The following DTNA variants were observed in gnomAD, a reference collection of about 807,000 sequenced individuals.
DTNA encodes dystrophin-related protein 3.
DTNA carries 43 observed loss-of-function variants against 100.7 expected under a neutral mutation model. The ratio of observed to expected loss-of-function variants is 0.43; its 90% CI spans 0.33 to 0.55. The LOEUF is 0.55. DTNA is among the 20% of genes least tolerant of loss of function. The probability of loss-of-function intolerance (pLI) is 0.04; values close to 1 mark genes in which losing one functional copy is unlikely to be tolerated. For missense variants in DTNA, 798 were observed against 953.9 expected, an observed-to-expected ratio of 0.84 and a Z score of 2.15; for synonymous variants, 349 against 347.9, an observed-to-expected ratio of 1.00 and a Z score of -0.04.
chr18:34,566,518 C>T (rs1472080671), intron 1 of DTNA, among the ~76,000 whole-genome samples: 1 of 152,184 alleles, frequency 6.6e-6, no homozygotes, highest in Admixed American at 6.6e-5. Flanking sequence ...AGAGAAAGTT[C>T]TTCAAAAATT....
chr18:34,514,077 A>G (rs1257583035), intron 1 of DTNA: 1 of 152,136 alleles, frequency 6.6e-6, no homozygotes, highest in Admixed American at 6.6e-5. Flanking sequence ...TTCACTCCAC[A>G]GTGGCTATTT....
At position 34,889,837 on chromosome 18, in the gene DTNA, GCA is replaced by G; in HGVS notation, c.*2106_*2107del. On this transcript the variant is annotated 3_prime_UTR_variant, in exon 23 of 23. Coordinates refer to ENST00000444659, the MANE Select transcript of DTNA (RefSeq NM_001386795.1). ...AACTGCACAGTTCTCAGATTTCTTTGCACAGATTGATTTTTATTGCGGGTTTT... is the reference window on the plus strand; with the variant it reads ...AACTGCACAGTTCTCAGATTTCTTTGCAGATTGATTTTTATTGCGGGTTTT... 3 of 994,764 alleles carry G rather than the reference GCA, an allele frequency of 3.0e-6. No homozygotes were observed. The highest frequency in any genetic ancestry group is 3.6e-6 in the Non-Finnish European group (3 of 835,366). The allele number at this position is 994,764 out of a possible 1,614,324, so 61.6% of individuals were successfully genotyped here.
At chr18:34,715,907 CAT>C (rs2083953744) in intron 1 of DTNA, among the ~76,000 whole-genome samples, 1 of 151,936 alleles carries the variant, frequency 6.6e-6, no homozygotes, top group African/African-American at 2.4e-5. Flanking sequence ...AAATTAAACA[CAT>C]GTCATTTTAA....
intron 1 of DTNA, among the ~76,000 whole-genome samples, chr18:34,663,276 C>T (rs2075444258): frequency 6.6e-6 from 1 of 152,110 alleles, no homozygotes; most frequent in African/African-American, 2.4e-5. Context: ...ACCTCAGTCT[C>T]CTAAGTTTCT....
intron 13 of DTNA, among the ~76,000 whole-genome samples, chr18:34,846,809 T>G (rs1050543468): frequency 1.3e-5 from 2 of 152,248 alleles, no homozygotes; most frequent in African/African-American, 4.8e-5. Flanking sequence ...CTATGTTTCA[T>G]GTTTACTCTA....
chr18:34,596,542 A>G (rs2050645756), intron 1 of DTNA, among the ~76,000 whole-genome samples: 1 of 152,090 alleles, frequency 6.6e-6, no homozygotes, highest in South Asian at 2.1e-4. Flanking sequence ...TATATCTCAA[A>G]TATCTTTATT....
At chr18:34,811,884 G>T in intron 5 of DTNA, 75 bp from the exon 6 acceptor site, 1 of 1,561,456 alleles carries the variant, frequency 6.4e-7, no homozygotes, top group South Asian at 1.1e-5. Context: ...TTTGTCATTT[G>T]TAGCAGATAT....
intron 1 of DTNA, among the ~76,000 whole-genome samples, chr18:34,594,437 T>G (rs1011103157): frequency 2.0e-5 from 3 of 152,174 alleles, no homozygotes; most frequent in Non-Finnish European, 4.4e-5. Flanking sequence ...AGTCACAGAG[T>G]ACATGGTGTG....
At chr18:34,658,808 G>T (rs966036945) in intron 1 of DTNA, among the ~76,000 whole-genome samples, 1 of 152,182 alleles carries the variant, frequency 6.6e-6, no homozygotes, top group Admixed American at 6.5e-5. Flanking sequence ...TGCTCATTTT[G>T]TTCTTTTATG....
intron 1 of DTNA, among the ~76,000 whole-genome samples, chr18:34,586,103 C>T (rs921229258): frequency 6.6e-6 from 1 of 152,166 alleles, no homozygotes; most frequent in Admixed American, 6.5e-5. Context: ...TGTTATGTTT[C>T]AGTGAACTAT....
At chr18:34,849,270 G>A (rs1199242035) in intron 14 of DTNA, among the ~76,000 whole-genome samples, 1 of 152,196 alleles carries the variant, frequency 6.6e-6, no homozygotes, top group African/African-American at 2.4e-5. Context: ...GAATACAGGA[G>A]AATTAGATTT....
intron 1 of DTNA, among the ~76,000 whole-genome samples, chr18:34,609,178 T>C (rs910898898): frequency 6.6e-6 from 1 of 151,754 alleles, no homozygotes; most frequent in Non-Finnish European, 1.5e-5. Flanking sequence ...GCTTGTAAGC[T>C]TTCTTTATTG....
chr18:34,721,010 T>C (rs531105904), intron 1 of DTNA, among the ~76,000 whole-genome samples: 1 of 152,338 alleles, frequency 6.6e-6, no homozygotes, highest in African/African-American at 2.4e-5. Flanking sequence ...TGTATGGTGA[T>C]TTACTGTTTG....
chr18:34,509,916 G>A (rs922541529), intron 1 of DTNA, among the ~76,000 whole-genome samples: 2 of 152,000 alleles, frequency 1.3e-5, no homozygotes, highest in East Asian at 1.9e-4. Flanking sequence ...TAGACAAGGA[G>A]GAAAAACAAC....
intron 9 of DTNA, among the ~76,000 whole-genome samples, chr18:34,824,054 G>A (rs1049781051): frequency 1.3e-5 from 2 of 152,212 alleles, no homozygotes; most frequent in Non-Finnish European, 2.9e-5. Flanking sequence ...ATGTTTAAGT[G>A]AAGGATAACT....
At chr18:34,748,918 A>G (rs141257109) in intron 1 of DTNA, among the ~76,000 whole-genome samples, 34 of 152,228 alleles carry the variant, frequency 2.2e-4, no homozygotes, top group Non-Finnish European at 4.3e-4. Flanking sequence ...CACAATATTG[A>G]TTCTACCCAT....
At chr18:34,514,400 T>C (rs546580281) in intron 1 of DTNA, among the ~76,000 whole-genome samples, 2 of 152,140 alleles carry the variant, frequency 1.3e-5, no homozygotes, top group Non-Finnish European at 2.9e-5. Flanking sequence ...TCTAACAGGT[T>C]GCCAGACAAT....
At chr18:34,816,407 G>GA (rs1039872206) in intron 7 of DTNA, among the ~76,000 whole-genome samples, 12 of 150,730 alleles carry the variant, frequency 8.0e-5, no homozygotes, top group East Asian at 5.8e-4. Flanking sequence ...GGAGAAATGA[G>GA]AAAAAAAAAT....
At chr18:34,863,602 T>C (rs1337111034) in intron 16 of DTNA, among the ~76,000 whole-genome samples, 1 of 152,222 alleles carries the variant, frequency 6.6e-6, no homozygotes, top group Non-Finnish European at 1.5e-5. Context: ...CTGGAAGATT[T>C]GCCTTTTTCA....
Sources: allele counts gnomAD v4.1 joint callset (sites outside exome capture counted in the v4.1 genomes callset), GRCh38; gene constraint gnomAD v4.1.1; transcripts MANE v1.5; gene names NCBI Gene and HGNC (gene_info 2026-07-23, HGNC 2026-07-21).